ERAP1: variants seen among roughly 807,000 people sequenced by gnomAD.
ERAP1 encodes endoplasmic reticulum aminopeptidase 1, also known as adipocyte-derived leucine aminopeptidase.
In ERAP1, 86 loss-of-function variants were observed where a neutral mutation model predicts 103.7. The observed-to-expected ratio is 0.83, with a 90% CI of 0.70 to 0.99. ERAP1 has a LOEUF of 0.99. ERAP1 is among the 50% of genes least tolerant of loss of function. ERAP1 has a pLI of 0.00. For synonymous variants in ERAP1, 398 were observed against 402.4 expected, an observed-to-expected ratio of 0.99 and a Z score of 0.13; for missense variants, 1,009 against 1,128.4, an observed-to-expected ratio of 0.89 and a Z score of 1.52.
At chr5:96,923,470 A>G in the ERAP1 span, among the ~76,000 whole-genome samples, 10,522 of 152,202 alleles carry the variant, frequency 0.069, 438 homozygotes, top group Middle Eastern at 0.15. Flanking sequence ...CGAGGCGGGC[A>G]GATCATGAGG....
chr5:96,909,893 CCT>C, the ERAP1 span: 2 of 865,952 alleles, frequency 2.3e-6, no homozygotes, highest in African/African-American at 1.7e-5. Context: ...CATTACAAAC[CCT>C]GTTTCATGCT....
the ERAP1 span, among the ~76,000 whole-genome samples, chr5:96,875,209 T>G: frequency 1.3e-5 from 2 of 152,110 alleles, no homozygotes; most frequent in East Asian, 3.9e-4. Flanking sequence ...AGCGGTGGGA[T>G]TTTTTCTTAG....
the ERAP1 span, among the ~76,000 whole-genome samples, chr5:96,835,414 A>G: frequency 6.6e-6 from 1 of 152,322 alleles, no homozygotes; most frequent in African/African-American, 2.4e-5. Flanking sequence ...AAGACCAGGT[A>G]GAAGCTCAGA....
the ERAP1 span, among the ~76,000 whole-genome samples, chr5:96,856,448 A>G: frequency 6.8e-6 from 1 of 148,018 alleles, no homozygotes; most frequent in African/African-American, 2.5e-5. Context: ...TTTTTGAGAT[A>G]TAAGTATGTT....
the ERAP1 span, chr5:96,935,469 G>C: frequency 1.3e-5 from 2 of 152,688 alleles, no homozygotes; most frequent in Non-Finnish European, 2.9e-5. Context: ...ATCCCTCCGC[G>C]GCCAACCTCC....
chr5:96,795,025 CTG>C lies in ERAP1; in HGVS notation c.919+15_919+16del. The C allele has an allele frequency of 6.2e-7, 1 of 1,613,618 alleles. No individual in the cohort carries two copies. The highest frequency in any genetic ancestry group is 8.5e-7 in the Non-Finnish European group (1 of 1,179,768). Reference sequence around the variant, plus strand: ...GTTCATCAAATGTCATGTGTAATATCTGTGCAAAATCTCTACCTTGTTTGGGT... The same window carrying C: ...GTTCATCAAATGTCATGTGTAATATCTGCAAAATCTCTACCTTGTTTGGGT... On this transcript the variant is annotated intron_variant, in intron 5 of 18. Coordinates refer to ENST00000443439, the MANE Select transcript of ERAP1 (RefSeq NM_001040458.3).
chr5:96,782,981 T>C, intron 15 of ERAP1, 70 bp downstream of exon 15: 1 of 1,506,360 alleles, frequency 6.6e-7, no homozygotes, highest in Non-Finnish European at 9.2e-7. Flanking sequence ...CCCTAATGTT[T>C]AGTACCAATG....
downstream of ERAP1, chr5:96,770,221 C>T (rs185706815): frequency 8.7e-5 from 28 of 321,600 alleles, 1 homozygote; most frequent in East Asian, 8.8e-4. Context: ...ACACCCTTGC[C>T]GACATTTATT....
At chr5:96,886,184 C>T in the ERAP1 span, among the ~76,000 whole-genome samples, 2 of 152,294 alleles carry the variant, frequency 1.3e-5, no homozygotes, top group African/African-American at 2.4e-5. Context: ...CTCACACCCA[C>T]ATAACAGGAT....
intron 1 of ERAP1, 39 bp downstream of exon 1, chr5:96,807,821 G>C (rs558632117): frequency 1.1e-5 from 11 of 985,048 alleles, no homozygotes; most frequent in African/African-American, 1.0e-4. Context: ...CTCTCCTCCC[G>C]GCCCGCAGTC....
the ERAP1 span, among the ~76,000 whole-genome samples, chr5:96,874,184 G>A: frequency 1.9e-3 from 228 of 119,322 alleles, 1 homozygote; most frequent in Non-Finnish European, 1.9e-3. Flanking sequence ...GAAAGAAAGA[G>A]AGAGAGAAAG....
chr5:96,896,965 T>TAAGTCATCTG, the ERAP1 span: 1 of 987,684 alleles, frequency 1.0e-6, no homozygotes. Context: ...GTCAACCATA[T>TAAGTCATCTG]TTATTCTGCT....
intron 3 of ERAP1, among the ~76,000 whole-genome samples, chr5:96,799,368 G>C (rs1259703042): frequency 6.6e-6 from 1 of 152,054 alleles, no homozygotes; most frequent in Non-Finnish European, 1.5e-5. Flanking sequence ...CCTGAGGTCA[G>C]GCTACTCGTA....
At chr5:96,868,765 A>G in the ERAP1 span, among the ~76,000 whole-genome samples, 1 of 152,170 alleles carries the variant, frequency 6.6e-6, no homozygotes, top group African/African-American at 2.4e-5. Flanking sequence ...AATGTTCAGT[A>G]TGCTGCTGAT....
chr5:96,776,139 C>CTT lies in ERAP1; in HGVS notation c.*255_*256dup. ...ACTATAAAATGAGAAGAATAAGGTA[C>CTT]TTTATTCTTCTGTGGCAGGGAACCC... On this transcript the variant is annotated 3_prime_UTR_variant, in exon 19 of 19. Transcript: ENST00000443439. 1.4e-6 allele frequency: 2 copies of CTT among 1,461,096 alleles called. No homozygotes were observed. Among genetic ancestry groups the CTT allele is most frequent in the Non-Finnish European group, 9.1e-7 (1 of 1,099,768 alleles). 90.5% of individuals were successfully genotyped at this position (1,461,096 alleles called of 1,614,324 possible).
chr5:96,900,304 GC>G, the ERAP1 span: 1 of 1,427,672 alleles, frequency 7.0e-7, no homozygotes, highest in Non-Finnish European at 9.2e-7. Context: ...GAGAAAGAGA[GC>G]CCCCACGATT....
At chr5:96,837,550 C>T in the ERAP1 span, among the ~76,000 whole-genome samples, 1 of 152,186 alleles carries the variant, frequency 6.6e-6, no homozygotes, top group Non-Finnish European at 1.5e-5. Flanking sequence ...GGAGCCGAGG[C>T]GAGTGCCTTT....
At chr5:96,771,966 C>G (rs1263413738), downstream of ERAP1, 1 of 276,304 alleles carries the variant, frequency 3.6e-6, no homozygotes, top group East Asian at 6.7e-5. Flanking sequence ...CTTAGAATGA[C>G]CATCTGAGGC....
chr5:96,926,863 C>G, the ERAP1 span, among the ~76,000 whole-genome samples: 1 of 152,178 alleles, frequency 6.6e-6, no homozygotes, highest in African/African-American at 2.4e-5. Flanking sequence ...GTTGCTCAGG[C>G]TGGAGTGCAC....
Sources: allele counts gnomAD v4.1 joint callset (sites outside exome capture counted in the v4.1 genomes callset), GRCh38; gene constraint gnomAD v4.1.1; transcripts MANE v1.5; gene names NCBI Gene and HGNC (gene_info 2026-07-23, HGNC 2026-07-21).